The following MDN1 variants were observed in gnomAD, a reference collection of about 807,000 sequenced individuals.
MDN1 encodes midasin AAA ATPase 1.
Under a neutral mutation model 669.2 loss-of-function variants are expected in MDN1, and 266 were observed. The observed-to-expected ratio is 0.40, with a 90% CI of 0.36 to 0.44. MDN1 has a LOEUF of 0.44. Ranked by LOEUF, MDN1 falls within the 20% of genes least tolerant of loss-of-function variation. MDN1 has a pLI of 1.00. For missense variants in MDN1, 5,940 were observed against 6,754.0 expected (o/e 0.88, Z 4.22); for synonymous variants, 2,385 against 2,457.1 (o/e 0.97, Z 0.87).
chr6:89,716,041 A>AT (rs1814349483), intron 44 of MDN1, among the ~76,000 whole-genome samples: 1 of 152,202 alleles, frequency 6.6e-6, no homozygotes, highest in Non-Finnish European at 1.5e-5. Context: ...TCCTTGCACT[A>AT]TAACCTTTTC....
chr6:89,798,799 A>C (rs1459589968), intron 2 of MDN1, among the ~76,000 whole-genome samples: 1 of 152,326 alleles, frequency 6.6e-6, no homozygotes, highest in Non-Finnish European at 1.5e-5. Flanking sequence ...GTGCAAGAGA[A>C]AAGACATTTG....
chr6:89,671,197 T>A, intron 82 of MDN1, 117 bp from the exon 83 acceptor site: 1 of 1,097,760 alleles, frequency 9.1e-7, no homozygotes, highest in Non-Finnish European at 1.3e-6. Context: ...TAAATAGTAC[T>A]AATGGCAAGT....
intron 49 of MDN1, 135 bp from the exon 50 acceptor site, chr6:89,710,929 G>A (rs754038236): frequency 2.3e-5 from 13 of 563,940 alleles, no homozygotes; most frequent in Middle Eastern, 2.6e-4. Context: ...TGTGGCCAGT[G>A]CAACTAAAGG....
Position 89,678,736 on chromosome 6 carries a change from A to G in MDN1, c.12275T>C (p.Ile4092Thr). The G allele has an allele frequency of 3.7e-6, 6 of 1,612,150 alleles. No homozygotes were observed. Among genetic ancestry groups the G allele is most frequent in the Non-Finnish European group, 3.4e-6 (4 of 1,179,180 alleles). Reference protein sequence around the residue: ...EGLDQFTGEVISSVSELQSLK... With the variant: ...EGLDQFTGEVTSSVSELQSLK... ...GCTCTGCAGCTCACTCACAGAGGAAATCACTTCACCTGTAAGGGAAAACAA... is the reference window on the plus strand; with the variant it reads ...GCTCTGCAGCTCACTCACAGAGGAAGTCACTTCACCTGTAAGGGAAAACAA... The change falls in exon 75 of 102, where the codon ATT becomes ACT. Residue 4092 changes from isoleucine to threonine, a missense_variant. Coordinates refer to ENST00000369393, the MANE Select transcript of MDN1 (RefSeq NM_014611.3).
chr6:89,668,161 A>G lies in MDN1; in HGVS notation c.13957-10T>C. On this transcript the variant is annotated splice_polypyrimidine_tract_variant and intron_variant, in intron 83 of 101. Coordinates refer to ENST00000369393, the MANE Select transcript of MDN1 (RefSeq NM_014611.3). The stretch of plus-strand genomic sequence containing the variant: ...TGGGCAAGCAAAATCCCTTAGAAAA[A>G]AGAAAAAGGAAGTGAACAATTAGGC... 1.2e-6 allele frequency: 2 copies of G among 1,613,520 alleles called. No homozygotes were observed. The highest frequency in any genetic ancestry group is 1.7e-6 in the Non-Finnish European group (2 of 1,179,830).
intron 64 of MDN1, 82 bp downstream of exon 64, chr6:89,690,591 G>T: frequency 2.0e-6 from 3 of 1,513,008 alleles, no homozygotes; most frequent in Non-Finnish European, 2.7e-6. Flanking sequence ...GAGATAAAGA[G>T]GAAGAGAGAA....
chr6:89,684,390 TAAAAAAAAA>T (rs372116307), intron 71 of MDN1, among the ~76,000 whole-genome samples: 24 of 133,078 alleles, frequency 1.8e-4, no homozygotes, highest in Admixed American at 3.0e-4. Flanking sequence ...CAAAGTGATT[TAAAAAAAAA>T]AAAAAAAAAA....
intron 77 of MDN1, 57 bp from the exon 78 acceptor site, chr6:89,675,636 T>C: frequency 6.9e-7 from 1 of 1,454,438 alleles, no homozygotes; most frequent in African/African-American, 1.4e-5. Context: ...CACCCACAGA[T>C]GTGCCTCTAG....
intron 2 of MDN1, among the ~76,000 whole-genome samples, chr6:89,800,359 G>A (rs538328319): frequency 3.9e-5 from 6 of 152,106 alleles, no homozygotes; most frequent in African/African-American, 1.2e-4. Flanking sequence ...CCTGGGAGGC[G>A]GAGGTTGCCA....
chr6:89,815,608 G>A (rs1440288058), intron 1 of MDN1: 1 of 170,004 alleles, frequency 5.9e-6, no homozygotes, highest in Non-Finnish European at 1.3e-5. Context: ...AGAGTGTCTT[G>A]GGGAGATCTT....
chr6:89,699,992 TG>T, intron 57 of MDN1, 70 bp downstream of exon 57: 1 of 1,393,500 alleles, frequency 7.2e-7, no homozygotes, highest in East Asian at 2.3e-5. Context: ...GGTTTGTTTA[TG>T]GGTATAGGAT....
intron 63 of MDN1, 83 bp downstream of exon 63, chr6:89,692,360 G>A (rs1452507229): frequency 8.1e-7 from 1 of 1,238,664 alleles, no homozygotes; most frequent in Non-Finnish European, 1.1e-6. Flanking sequence ...TACTAGGCAT[G>A]CTAATGTCCT....
At chr6:89,735,913 G>A (rs574220662) in intron 33 of MDN1, among the ~76,000 whole-genome samples, 21 of 152,208 alleles carry the variant, frequency 1.4e-4, no homozygotes, top group Admixed American at 4.6e-4. Context: ...CCAGCTACTC[G>A]GGAGGCTGAG....
chr6:89,744,122 A>AC (rs367561008), intron 29 of MDN1, among the ~76,000 whole-genome samples: 13,066 of 122,588 alleles, frequency 0.11, 1,668 homozygotes, highest in East Asian at 0.4. Flanking sequence ...AAAAAAAAAA[A>AC]AAAAAAAAAC....
intron 18 of MDN1, 97 bp downstream of exon 18, chr6:89,758,718 GC>G (rs1478709248): frequency 4.5e-5 from 57 of 1,276,830 alleles, no homozygotes; most frequent in South Asian, 1.4e-4. Flanking sequence ...CCATTGGGAG[GC>G]CCATGTCATC....
chr6:89,790,533 T>C (rs1278418793), intron 5 of MDN1, 132 bp from the exon 6 acceptor site: 28 of 1,061,058 alleles, frequency 2.6e-5, no homozygotes, highest in East Asian at 2.1e-4. Context: ...AAAACTATAA[T>C]AACAACAGGT....
chr6:89,676,064 C>T, intron 77 of MDN1, 38 bp downstream of exon 77: 1 of 1,578,198 alleles, frequency 6.3e-7, no homozygotes, highest in Non-Finnish European at 8.7e-7. Context: ...CAAGGGCTTT[C>T]CCTGAGCCCC....
chr6:89,701,305 T>C (rs1813145284), intron 55 of MDN1, among the ~76,000 whole-genome samples: 1 of 152,190 alleles, frequency 6.6e-6, no homozygotes, highest in African/African-American at 2.4e-5. Context: ...GTAAGTAATT[T>C]AGAGATGATA....
In MDN1 at chr6:89,793,791, G is replaced by A. The variant is rs1819411476; in HGVS notation, c.826C>T (p.Pro276Ser). 6.2e-7 allele frequency: 1 copy of A among 1,614,032 alleles called. No homozygotes were observed. Among genetic ancestry groups the A allele is most frequent in the Non-Finnish European group, 8.5e-7 (1 of 1,179,958 alleles). Residue 276 changes from proline to serine, a missense_variant, in exon 5 of 102, where the codon CCT becomes TCT. This residue lies in a region of MDN1 where 1,203 missense variants were observed against 1,268.9 expected (regional missense o/e 0.95). Coordinates refer to ENST00000369393, the MANE Select transcript of MDN1 (RefSeq NM_014611.3). ...RVTAVCGVVL[P>S]GQLPAPGELG... ...TCTCCAGGGGCTGGCAGCTGCCCAG[G>A]CAGCACCACACCACAAACAGCTGTC... is the stretch of plus-strand genomic sequence containing the variant.
Sources: allele counts gnomAD v4.1 joint callset (sites outside exome capture counted in the v4.1 genomes callset), GRCh38; gene constraint gnomAD v4.1.1; regional missense constraint gnomAD v4.1.1; transcripts MANE v1.5; gene names NCBI Gene and HGNC (gene_info 2026-07-23, HGNC 2026-07-21).